The following PHF24 variants were observed in gnomAD, a reference collection of about 807,000 sequenced individuals.
The protein encoded by PHF24 is Galpha inhibitory interacting protein.
PHF24 carries 25 observed loss-of-function variants against 42.6 expected under a neutral mutation model. That is an observed-to-expected ratio of 0.59 (90% confidence interval 0.43 to 0.82). The LOEUF (loss-of-function observed/expected upper bound fraction) is 0.82. Ranked by LOEUF, PHF24 falls within the 40% of genes least tolerant of loss-of-function variation. The pLI, the probability that PHF24 is intolerant of heterozygous loss-of-function variation, is 0.00. For missense variants in PHF24, 470 were observed against 538.1 expected, an observed-to-expected ratio of 0.87 and a Z score of 1.25; for synonymous variants, 185 against 204.8, an observed-to-expected ratio of 0.90 and a Z score of 0.83.
chr9:34,717,376 G>A, the PHF24 span, among the ~76,000 whole-genome samples: 4 of 152,136 alleles, frequency 2.6e-5, no homozygotes, highest in Admixed American at 6.5e-5. Flanking sequence ...ATGGTTTCCC[G>A]AGGATAACGT....
chr9:34,895,502 G>T, the PHF24 span: 1 of 398,346 alleles, frequency 2.5e-6, no homozygotes, highest in African/African-American at 2.1e-5. Flanking sequence ...CAAGGGCTAA[G>T]AGTAACAAGA....
At chr9:34,915,983 T>C in the PHF24 span, among the ~76,000 whole-genome samples, 6 of 151,984 alleles carry the variant, frequency 3.9e-5, no homozygotes, top group Admixed American at 3.9e-4. Context: ...CAAAATCAGG[T>C]GGTTTTATAA....
At chr9:34,778,443 A>G in the PHF24 span, among the ~76,000 whole-genome samples, 1 of 152,238 alleles carries the variant, frequency 6.6e-6, no homozygotes, top group Non-Finnish European at 1.5e-5. Context: ...GTACCATGCA[A>G]CTAGCAACCA....
chr9:34,818,936 A>AT, the PHF24 span, among the ~76,000 whole-genome samples: 1 of 152,052 alleles, frequency 6.6e-6, no homozygotes, highest in South Asian at 2.1e-4. Context: ...TGGGTCTAAA[A>AT]TTTTCTTCAT....
At chr9:34,917,445 G>A in the PHF24 span, 93 of 768,310 alleles carry the variant, frequency 1.2e-4, no homozygotes, top group Middle Eastern at 1.2e-3. Flanking sequence ...GACCCTTTCC[G>A]TAAGGATCCT....
the PHF24 span, among the ~76,000 whole-genome samples, chr9:34,936,099 C>T: frequency 2.5e-3 from 378 of 151,894 alleles, 3 homozygotes; most frequent in East Asian, 0.034. Flanking sequence ...TCTCTTTCCA[C>T]GGTCTCCCTC....
the PHF24 span, among the ~76,000 whole-genome samples, chr9:34,883,212 T>A: frequency 6.6e-6 from 1 of 152,230 alleles, no homozygotes; most frequent in African/African-American, 2.4e-5. Context: ...CAAAAATTAA[T>A]TCAAGATGGA....
chr9:34,758,357 G>A, the PHF24 span, among the ~76,000 whole-genome samples: 1 of 152,044 alleles, frequency 6.6e-6, no homozygotes, highest in Non-Finnish European at 1.5e-5. The surrounding 1 kb of genome is among the most constrained non-coding windows in gnomAD (Gnocchi z 4.4). Flanking sequence ...GCTCCTGCTT[G>A]GGGCAGGACA....
the PHF24 span, among the ~76,000 whole-genome samples, chr9:34,683,170 C>T: frequency 6.6e-6 from 1 of 152,046 alleles, no homozygotes; most frequent in Non-Finnish European, 1.5e-5. Flanking sequence ...AAGAGATTCT[C>T]CTGCCTCAGC....
At chr9:34,691,269 C>G in the PHF24 span, 1 of 686,338 alleles carries the variant, frequency 1.5e-6, no homozygotes, top group Non-Finnish European at 2.5e-6. Context: ...TGATGTGAGG[C>G]TGGGAATGTG....
chr9:34,853,314 A>G, the PHF24 span, among the ~76,000 whole-genome samples: 1 of 152,336 alleles, frequency 6.6e-6, no homozygotes, highest in Admixed American at 6.5e-5. Flanking sequence ...GATGAAGCCA[A>G]CATGACCATG....
At chr9:34,932,571 C>G in the PHF24 span, among the ~76,000 whole-genome samples, 1 of 152,150 alleles carries the variant, frequency 6.6e-6, no homozygotes, top group Non-Finnish European at 1.5e-5. Flanking sequence ...GCTGAATAAA[C>G]TATATTTTAA....
At chr9:34,714,442 T>C in the PHF24 span, among the ~76,000 whole-genome samples, 1 of 152,342 alleles carries the variant, frequency 6.6e-6, no homozygotes, top group African/African-American at 2.4e-5. Flanking sequence ...ATTAGTTTGC[T>C]TCCAAACTTG....
At chr9:34,711,573 C>A in the PHF24 span, among the ~76,000 whole-genome samples, 4 of 147,292 alleles carry the variant, frequency 2.7e-5, no homozygotes, top group African/African-American at 1.0e-4. Context: ...GACAGAGTCT[C>A]ACTCTTTCGC....
At chr9:34,853,736 G>C in the PHF24 span, among the ~76,000 whole-genome samples, 1 of 150,670 alleles carries the variant, frequency 6.6e-6, no homozygotes, top group Non-Finnish European at 1.5e-5. Context: ...GCTGAGGCAG[G>C]AGAATGGCGT....
chr9:34,846,513 G>C, the PHF24 span, among the ~76,000 whole-genome samples: 1 of 151,910 alleles, frequency 6.6e-6, no homozygotes, highest in African/African-American at 2.4e-5. Context: ...TTTGTCAGAT[G>C]AGTAGGTTGC....
At chr9:34,918,256 T>A in the PHF24 span, 1 of 1,478,096 alleles carries the variant, frequency 6.8e-7, no homozygotes, top group Non-Finnish European at 9.5e-7. Context: ...ACGTGTCTTC[T>A]CAATGAAACT....
chr9:34,738,646 T>C, the PHF24 span, among the ~76,000 whole-genome samples: 1 of 152,190 alleles, frequency 6.6e-6, no homozygotes, highest in African/African-American at 2.4e-5. Context: ...ACGCCCTGCC[T>C]AGACTTCTTT....
the PHF24 span, among the ~76,000 whole-genome samples, chr9:34,847,323 G>A: frequency 2.6e-5 from 4 of 152,154 alleles, no homozygotes; most frequent in African/African-American, 9.7e-5. Flanking sequence ...CACATCCCTT[G>A]TAAGTTGGAT....
Sources: gnomAD v4.1 joint callset for allele counts (sites outside exome capture counted in the v4.1 genomes callset) on GRCh38, gnomAD v4.1.1 for gene constraint, Gnocchi (gnomAD v3.1) non-coding constraint, MANE v1.5 for transcripts, NCBI Gene and HGNC (gene_info 2026-07-23, HGNC 2026-07-21) for gene names.